The following SYN3 variants were observed in gnomAD, a reference collection of about 807,000 sequenced individuals.
SYN3 encodes the protein synapsin III.
In SYN3, 35 loss-of-function variants were observed where a neutral mutation model predicts 65.8. That is an observed-to-expected ratio of 0.53 (90% confidence interval 0.41 to 0.70). SYN3 has a LOEUF of 0.70. Ranked by LOEUF, SYN3 falls within the 30% of genes least tolerant of loss-of-function variation. The pLI, the probability that SYN3 is intolerant of heterozygous loss-of-function variation, is 0.00. For synonymous variants in SYN3, 270 were observed against 292.9 expected, an observed-to-expected ratio of 0.92 and a Z score of 0.80; for missense variants, 680 against 749.0, an observed-to-expected ratio of 0.91 and a Z score of 1.08.
At chr22:32,593,333 A>G (rs533450537) in intron 7 of SYN3, among the ~76,000 whole-genome samples, 4 of 97,588 alleles carry the variant, frequency 4.1e-5, no homozygotes, top group Admixed American at 1.8e-4. Context: ...TCATCTCTTT[A>G]TTTCCTTTTT....
chr22:32,905,161 A>G (rs1185820149), intron 4 of SYN3, among the ~76,000 whole-genome samples: 1 of 152,220 alleles, frequency 6.6e-6, no homozygotes, highest in Non-Finnish European at 1.5e-5. Context: ...ACTGTCCCAC[A>G]TTATTTCACT....
Position 32,741,500 on chromosome 22 carries a change from C to T in SYN3, c.711+123415G>A, listed in dbSNP as rs1160111862. 5.9e-5 allele frequency among the ~76,000 whole-genome samples: 9 copies of T among 151,944 alleles called. No individual in the cohort carries two copies. In the South Asian group the frequency reaches 6.2e-4, roughly 11 times the overall value. The stretch of plus-strand genomic sequence containing the variant: ...CCTCCTGAGTAGCTGGGACTACAGG[C>T]GCCTGCCACCACGTCCGGCTAATTT... On this transcript the variant is annotated intron_variant, in intron 6 of 13. Transcript: ENST00000358763.
Position 32,513,718 on chromosome 22 carries a change from A to T in SYN3, c.1717T>A (p.Ser573Thr). Reference sequence around the variant, plus strand: ...TAGTCAGAGAACAGGCTGGCAAAAGACTTCCTCAGGTTGCGGATGGTTTCA... The same window carrying T: ...TAGTCAGAGAACAGGCTGGCAAAAGTCTTCCTCAGGTTGCGGATGGTTTCA... ...KAETIRNLRK[S>T]FASLFSD is the part of the protein sequence containing the mutation. The change falls in exon 14 of 14, where the codon TCT becomes ACT. Residue 573 changes from serine to threonine, a missense_variant. Physicochemically the swap from Ser to Thr is moderately conservative, Grantham distance 58. Coordinates refer to ENST00000358763, the MANE Select transcript of SYN3 (RefSeq NM_003490.4). 1 of 1,614,144 alleles carries T rather than the reference A, an allele frequency of 6.2e-7. No individual in the cohort carries two copies. The highest frequency in any genetic ancestry group is 8.5e-7 in the Non-Finnish European group (1 of 1,180,022).
At chr22:32,743,350 G>A (rs1375958007) in intron 6 of SYN3, among the ~76,000 whole-genome samples, 1 of 152,194 alleles carries the variant, frequency 6.6e-6, no homozygotes, top group Non-Finnish European at 1.5e-5. Flanking sequence ...ACCCTTGGCT[G>A]GCTTCTGCAG....
intron 6 of SYN3, among the ~76,000 whole-genome samples, chr22:32,660,426 G>T (rs1476733538): frequency 6.6e-6 from 1 of 152,138 alleles, no homozygotes; most frequent in Admixed American, 6.5e-5. Context: ...CCACCAGATG[G>T]CGGCATTCTA....
chr22:32,744,803 C>T (rs781453300), intron 6 of SYN3, among the ~76,000 whole-genome samples: 5 of 152,256 alleles, frequency 3.3e-5, no homozygotes, highest in Non-Finnish European at 5.9e-5. Flanking sequence ...ATGGTGTGGG[C>T]GATTGCCCAC....
chr22:32,692,524 A>G (rs939115346), intron 6 of SYN3, among the ~76,000 whole-genome samples: 4 of 152,176 alleles, frequency 2.6e-5, no homozygotes, highest in Non-Finnish European at 4.4e-5. Context: ...GCAGGCCACC[A>G]ACACGCTCAC....
At chr22:32,971,065 G>GA (rs896237474) in intron 3 of SYN3, among the ~76,000 whole-genome samples, 5 of 152,146 alleles carry the variant, frequency 3.3e-5, no homozygotes, top group African/African-American at 1.2e-4. Context: ...TTACTGCATG[G>GA]AAAACACTTA....
intron 7 of SYN3, among the ~76,000 whole-genome samples, chr22:32,543,025 C>T (rs1367212592): frequency 6.6e-6 from 1 of 152,050 alleles, no homozygotes; most frequent in Non-Finnish European, 1.5e-5. Flanking sequence ...TGGCCGGGCA[C>T]TAGGCGGTCC....
chr22:32,509,261 T>C lies in SYN3; in HGVS notation c.*4431A>G, dbSNP rs767555708. 6.6e-6 allele frequency among the ~76,000 whole-genome samples: 1 copy of C among 152,174 alleles called. No homozygotes were observed. The highest frequency in any genetic ancestry group is 1.5e-5 in the Non-Finnish European group (1 of 68,036). On this transcript the variant is annotated 3_prime_UTR_variant, in exon 14 of 14. Coordinates refer to ENST00000358763, the MANE Select transcript of SYN3 (RefSeq NM_003490.4). ...GTTCATTGTGAACAAATCAAATAGG[T>C]CTTTGTTGTGTTTCAGCTTCCCCGA...
chr22:32,554,312 C>T lies in SYN3; in HGVS notation c.775-12599G>A, dbSNP rs1040671599. Among the ~76,000 whole-genome samples, 45 of 152,122 alleles carry T rather than the reference C, an allele frequency of 3.0e-4. 1 individual carries two copies. Among genetic ancestry groups the T allele is most frequent in the Admixed American group, 2.9e-3 (44 of 15,268 alleles). On this transcript the variant is annotated intron_variant, in intron 7 of 13. Transcript: ENST00000358763. The stretch of plus-strand genomic sequence containing the variant: ...CTCAATACGGGCTTTTTCCAAGTAC[C>T]TGATATACAGTGGCCACTCCTCCCT...
intron 2 of SYN3, among the ~76,000 whole-genome samples, chr22:32,992,292 G>A (rs1262402871): frequency 1.3e-5 from 2 of 152,210 alleles, no homozygotes; most frequent in African/African-American, 2.4e-5. Context: ...CAAATGGGTA[G>A]CCCAGCTGTG....
intron 1 of SYN3, among the ~76,000 whole-genome samples, chr22:33,023,733 CA>C (rs1185984171): frequency 1.3e-5 from 2 of 152,066 alleles, no homozygotes; most frequent in Non-Finnish European, 2.9e-5. Context: ...CTGTCTCAAA[CA>C]AACAGAATCC....
chr22:32,628,704 TGCCATCGCACTCCA>T (rs2146801755), intron 6 of SYN3, among the ~76,000 whole-genome samples: 1 of 151,630 alleles, frequency 6.6e-6, no homozygotes, highest in East Asian at 1.9e-4. Context: ...GCTGAGATCA[TGCCATCGCACTCCA>T]GCCTGGGGCA....
chr22:32,522,952 AT>A (rs2057912279), intron 12 of SYN3, among the ~76,000 whole-genome samples: 1 of 151,948 alleles, frequency 6.6e-6, no homozygotes, highest in African/African-American at 2.4e-5. Context: ...ACCTTGTTTT[AT>A]TGTGGTCCAT....
At chr22:32,878,244 C>T (rs574903709) in intron 4 of SYN3, among the ~76,000 whole-genome samples, 12 of 152,272 alleles carry the variant, frequency 7.9e-5, no homozygotes, top group East Asian at 1.9e-4. Flanking sequence ...AAAGGTCTGT[C>T]GTGCTCCCAG....
chr22:32,705,215 T>C (rs1232826080), intron 6 of SYN3, among the ~76,000 whole-genome samples: 2 of 152,266 alleles, frequency 1.3e-5, no homozygotes, highest in Admixed American at 6.5e-5. Flanking sequence ...TTTATCCATC[T>C]TGAGTTAGTT....
chr22:33,043,864 C>A (rs2054009235), intron 1 of SYN3, among the ~76,000 whole-genome samples: 1 of 152,128 alleles, frequency 6.6e-6, no homozygotes, highest in East Asian at 1.9e-4. Flanking sequence ...ACCATCCTGG[C>A]CAACATGGTG....
chr22:32,569,452 C>T (rs1027800519), intron 7 of SYN3, among the ~76,000 whole-genome samples: 1 of 138,236 alleles, frequency 7.2e-6, no homozygotes, highest in Non-Finnish European at 1.6e-5. Context: ...TCTATCTTCT[C>T]TATCTATCTA....
Sources: allele counts gnomAD v4.1 joint callset (sites outside exome capture counted in the v4.1 genomes callset), GRCh38; gene constraint gnomAD v4.1.1; transcripts MANE v1.5; gene names NCBI Gene and HGNC (gene_info 2026-07-23, HGNC 2026-07-21).